TRAPPC9: variants seen among roughly 807,000 people sequenced by gnomAD.
The protein encoded by TRAPPC9 is trafficking protein particle complex subunit 9.
A neutral mutation model predicts 124.0 loss-of-function variants in TRAPPC9; 83 were observed. The ratio of observed to expected loss-of-function variants is 0.67; its 90% CI spans 0.56 to 0.80. The LOEUF is 0.80. Ranked by LOEUF, TRAPPC9 falls within the 30% of genes least tolerant of loss-of-function variation. The pLI, the probability that TRAPPC9 is intolerant of heterozygous loss-of-function variation, is 0.00. For missense variants in TRAPPC9, 1,302 were observed against 1,508.3 expected, an observed-to-expected ratio of 0.86 and a Z score of 2.27; for synonymous variants, 638 against 617.5, an observed-to-expected ratio of 1.03 and a Z score of -0.49.
At chr8:140,029,641 AAT>A (rs139497133) in intron 17 of TRAPPC9, among the ~76,000 whole-genome samples, 4 of 148,052 alleles carry the variant, frequency 2.7e-5, no homozygotes, top group Admixed American at 6.7e-5. Flanking sequence ...TAAAATTAAA[AAT>A]ATATATATAT....
At chr8:140,343,566 G>C (rs552825204) in intron 9 of TRAPPC9, among the ~76,000 whole-genome samples, 4 of 152,186 alleles carry the variant, frequency 2.6e-5, no homozygotes, top group Admixed American at 6.5e-5. Context: ...TTCCTAACCA[G>C]TCAAACGATA....
intron 21 of TRAPPC9, among the ~76,000 whole-genome samples, chr8:139,859,540 T>C (rs903608891): frequency 1.3e-5 from 2 of 152,002 alleles, no homozygotes; most frequent in African/African-American, 2.4e-5. Flanking sequence ...CATGACACTT[T>C]CTCCATTCCA....
intron 7 of TRAPPC9, among the ~76,000 whole-genome samples, chr8:140,388,062 T>C (rs2068806608): frequency 2.0e-5 from 3 of 151,910 alleles, no homozygotes; most frequent in Admixed American, 6.6e-5. Context: ...GATGAGTTCA[T>C]GTCCTTTGTA....
In TRAPPC9 at chr8:140,104,665, A is replaced by C. The variant is rs2060633083; in HGVS notation, c.2557-80586T>G. Among the ~76,000 whole-genome samples, 1 of 152,134 alleles carries C rather than the reference A, an allele frequency of 6.6e-6. No homozygotes were observed. The highest frequency in any genetic ancestry group is 6.5e-5 in the Admixed American group (1 of 15,280). Reference sequence around the variant, plus strand: ...TGCTGCGTCACACACAGGTGCTGTAAAAAGCTACGACACACACCCTCCTGG... The same window carrying C: ...TGCTGCGTCACACACAGGTGCTGTACAAAGCTACGACACACACCCTCCTGG... On this transcript the variant is annotated intron_variant, in intron 17 of 22. Transcript: ENST00000438773. The surrounding 1 kb of genome is among the most constrained non-coding windows in gnomAD (Gnocchi z 4.0).
At chr8:139,986,761 C>T (rs1837261037) in intron 19 of TRAPPC9, among the ~76,000 whole-genome samples, 1 of 152,204 alleles carries the variant, frequency 6.6e-6, no homozygotes, top group South Asian at 2.1e-4. Flanking sequence ...TGATTAGTTG[C>T]CGAGTTTTGA....
At chr8:140,200,064 A>C (rs947919384) in intron 17 of TRAPPC9, among the ~76,000 whole-genome samples, 1 of 152,180 alleles carries the variant, frequency 6.6e-6, no homozygotes, top group African/African-American at 2.4e-5. Flanking sequence ...TGCACACTGG[A>C]GTCAAATAAG....
At chr8:140,292,046 A>G (rs1256242083) in intron 11 of TRAPPC9, among the ~76,000 whole-genome samples, 1 of 152,200 alleles carries the variant, frequency 6.6e-6, no homozygotes, top group African/African-American at 2.4e-5. Context: ...ATCATGAGGA[A>G]GCAGATTTGT....
At chr8:140,021,445 GTTC>G (rs1839832380) in intron 18 of TRAPPC9, among the ~76,000 whole-genome samples, 1 of 152,090 alleles carries the variant, frequency 6.6e-6, no homozygotes, top group Non-Finnish European at 1.5e-5. Flanking sequence ...AGAATTAAAT[GTTC>G]TTATTTCTTT....
chr8:140,007,486 C>T (rs908568577), intron 18 of TRAPPC9, among the ~76,000 whole-genome samples: 1 of 152,172 alleles, frequency 6.6e-6, no homozygotes, highest in Non-Finnish European at 1.5e-5. Flanking sequence ...AAATAACAAC[C>T]TGAAATCATG....
intron 19 of TRAPPC9, among the ~76,000 whole-genome samples, chr8:139,912,236 T>G (rs1232623483): frequency 6.6e-6 from 1 of 152,246 alleles, no homozygotes; most frequent in African/African-American, 2.4e-5. Context: ...GTATAAATCA[T>G]GATGTATCAT....
At chr8:140,016,552 T>C (rs1175927607) in intron 18 of TRAPPC9, among the ~76,000 whole-genome samples, 1 of 152,218 alleles carries the variant, frequency 6.6e-6, no homozygotes, top group Non-Finnish European at 1.5e-5. Flanking sequence ...ACACAGTATG[T>C]TTCTTTTATG....
intron 21 of TRAPPC9, among the ~76,000 whole-genome samples, chr8:139,741,204 C>T (rs1818538625): frequency 6.6e-6 from 1 of 152,180 alleles, no homozygotes; most frequent in South Asian, 2.1e-4. Context: ...GCGTGATGCC[C>T]CCTCCCCTGG....
At chr8:140,046,204 C>T (rs892956307) in intron 17 of TRAPPC9, among the ~76,000 whole-genome samples, 1 of 152,258 alleles carries the variant, frequency 6.6e-6, no homozygotes, top group Non-Finnish European at 1.5e-5. Flanking sequence ...GCACGGTCCA[C>T]GGTGCAATAG....
At chr8:140,121,464 A>T (rs1017248913) in intron 17 of TRAPPC9, among the ~76,000 whole-genome samples, 5 of 152,234 alleles carry the variant, frequency 3.3e-5, no homozygotes, top group Non-Finnish European at 7.3e-5. Context: ...ATACTCTGGC[A>T]GTAAGGAAGA....
intron 17 of TRAPPC9, among the ~76,000 whole-genome samples, chr8:140,134,315 A>G (rs1488294254): frequency 6.6e-6 from 1 of 151,970 alleles, no homozygotes; most frequent in African/African-American, 2.4e-5. Flanking sequence ...CACCCAGGCT[A>G]GAATGCTGTG....
rs966644454 is a variant in TRAPPC9 at position 140,438,702 on chromosome 8, AT to A, written c.730+349del. Among the ~76,000 whole-genome samples the A allele has an allele frequency of 1.7e-3, 259 of 149,824 alleles. 1 individual carries two copies. The highest frequency in any genetic ancestry group is 6.1e-3 in the African/African-American group (248 of 40,788). ...CTCATTTCTTTTTTTATTTTATTTTATTTTTTTTTGAGATGGAGTCTCGCTC... is the reference window on the plus strand; with the variant it reads ...CTCATTTCTTTTTTTATTTTATTTTATTTTTTTTGAGATGGAGTCTCGCTC... On this transcript the variant is annotated intron_variant, in intron 3 of 22. Transcript: ENST00000438773.
intron 19 of TRAPPC9, among the ~76,000 whole-genome samples, chr8:139,978,179 A>C (rs1836616873): frequency 6.6e-6 from 1 of 152,200 alleles, no homozygotes; most frequent in Non-Finnish European, 1.5e-5. Flanking sequence ...CGCCCGGCTG[A>C]GGAACAAGTT....
intron 21 of TRAPPC9, among the ~76,000 whole-genome samples, chr8:139,793,707 T>C (rs1218560641): frequency 6.6e-6 from 1 of 152,130 alleles, no homozygotes; most frequent in Non-Finnish European, 1.5e-5. Flanking sequence ...CTGTGGCTGT[T>C]TAGAGAGGTG....
intron 17 of TRAPPC9, among the ~76,000 whole-genome samples, chr8:140,070,718 C>T (rs7818428): frequency 0.16 from 24,963 of 152,190 alleles, 2,615 homozygotes; most frequent in African/African-American, 0.3. Flanking sequence ...CAGCATTTCA[C>T]ACCAGCAGGG....
Sources: allele counts gnomAD v4.1 joint callset (sites outside exome capture counted in the v4.1 genomes callset), GRCh38; gene constraint gnomAD v4.1.1; non-coding constraint Gnocchi (gnomAD v3.1); transcripts MANE v1.5; gene names NCBI Gene and HGNC (gene_info 2026-07-23, HGNC 2026-07-21).